The following CACNA1H variants were observed in gnomAD, a reference collection of about 807,000 sequenced individuals.
CACNA1H encodes the protein calcium voltage-gated channel subunit alpha1 H, also known as voltage-dependent T-type calcium channel subunit alpha-1H.
A neutral mutation model predicts 192.5 loss-of-function variants in CACNA1H; 149 were observed. That is an observed-to-expected ratio of 0.77 (90% CI 0.68 to 0.89). The LOEUF is 0.89. Ranked by LOEUF, CACNA1H falls within the 40% of genes least tolerant of loss-of-function variation. The probability of loss-of-function intolerance (pLI) is 0.00; values close to 1 mark genes in which losing one functional copy is unlikely to be tolerated. For synonymous variants in CACNA1H, 2,202 were observed against 1,475.2 expected, an observed-to-expected ratio of 1.49 and a Z score of -11.29; for missense variants, 4,257 against 3,423.5, an observed-to-expected ratio of 1.24 and a Z score of -6.08.
In CACNA1H at chr16:1,196,039, C is replaced by A. The variant is rs200284275; in HGVS notation, c.643+16C>A. The A allele has an allele frequency of 1.2e-6, 2 of 1,603,228 alleles. No homozygotes were observed. Among genetic ancestry groups the A allele is most frequent in the Non-Finnish European group, 1.7e-6 (2 of 1,171,154 alleles). The stretch of plus-strand genomic sequence containing the variant: ...CGCGTGCCTAGTAAGTGACCGGCCC[C>A]GACTGGGCTTGAGATCAACAGGCTT... On this transcript the variant is annotated intron_variant, in intron 5 of 34. Coordinates refer to ENST00000348261, the MANE Select transcript of CACNA1H (RefSeq NM_021098.3).
In CACNA1H at chr16:1,161,834, C is replaced by T. The variant is rs547506179; in HGVS notation, c.299+7798C>T. Among the ~76,000 whole-genome samples, 8 of 152,316 alleles carry T rather than the reference C, an allele frequency of 5.3e-5. No individual in the cohort carries two copies. In the South Asian group the frequency reaches 1.0e-3, roughly 20 times the overall value. The stretch of plus-strand genomic sequence containing the variant: ...CATCTGTGAGCAGCACCCGGACCTC[C>T]TGGGTCCCCTTGCCGCAGCCTGCCT... On this transcript the variant is annotated intron_variant, in intron 2 of 34. Transcript: ENST00000348261.
intron 2 of CACNA1H, among the ~76,000 whole-genome samples, chr16:1,155,149 GTGTT>G (rs1307827775): frequency 6.6e-6 from 1 of 152,230 alleles, no homozygotes; most frequent in African/African-American, 2.4e-5. Context: ...CATAAAGCCC[GTGTT>G]TCTCCTTTCT....
At position 1,179,287 on chromosome 16, in the gene CACNA1H, T is replaced by TG. The variant is rs34743957; in HGVS notation, c.300-15680dup. On this transcript the variant is annotated intron_variant, in intron 2 of 34. Coordinates refer to ENST00000348261, the MANE Select transcript of CACNA1H (RefSeq NM_021098.3). ...TCAGGGGCTCCTGGGTAGGGTGAGT[T>TG]GGGGGTCCCTGACCTCAGTCACCAG... Among the ~76,000 whole-genome samples the TG allele has an allele frequency of 2.6e-5, 4 of 151,738 alleles. No homozygotes were observed. The East Asian group carries it at 5.8e-4, about 22-fold the overall frequency.
At chr16:1,176,231 CT>C (rs1185465367) in intron 2 of CACNA1H, among the ~76,000 whole-genome samples, 13 of 152,404 alleles carry the variant, frequency 8.5e-5, no homozygotes, top group African/African-American at 3.1e-4. Context: ...GCTGCCCTGA[CT>C]GTCGGTTCTG....
intron 2 of CACNA1H, 44 bp from the exon 3 acceptor site, chr16:1,194,928 G>T: frequency 1.4e-6 from 2 of 1,445,726 alleles, no homozygotes; most frequent in Non-Finnish European, 9.7e-7. Flanking sequence ...CCATGGGAGC[G>T]GGTCCCGGGC....
In CACNA1H at chr16:1,210,945, T is replaced by G. The variant is rs1378366751; in HGVS notation, c.4197T>G (p.Arg1399=). The G allele has an allele frequency of 1.9e-6, 3 of 1,600,206 alleles. No homozygotes were observed. The highest frequency in any genetic ancestry group is 3.3e-5 in the Admixed American group (2 of 59,998). Residue 1399 remains arginine, a synonymous_variant, in exon 21 of 35, where the codon CGT becomes CGG. Coordinates refer to ENST00000348261, the MANE Select transcript of CACNA1H (RefSeq NM_021098.3). The part of the protein sequence containing the change: ...AKILGVLRVL[R]LLRTLRPLRV... Reference sequence around the variant, plus strand: ...TCCTGGGTGTTCTGCGCGTGCTGCGTCTGCTGCGGACCCTGCGGCCTCTGA... The same window carrying G: ...TCCTGGGTGTTCTGCGCGTGCTGCGGCTGCTGCGGACCCTGCGGCCTCTGA...
chr16:1,207,954 G>A (rs1238467148), intron 15 of CACNA1H, 59 bp from the exon 16 acceptor site: 12 of 1,549,540 alleles, frequency 7.7e-6, no homozygotes, highest in East Asian at 7.2e-5. Context: ...TAGGTTGGGG[G>A]ATTCCTGGTC....
chr16:1,205,347 C>T (rs1033778050), intron 11 of CACNA1H, 82 bp downstream of exon 11: 9 of 1,407,970 alleles, frequency 6.4e-6, no homozygotes, highest in Middle Eastern at 1.8e-4. Flanking sequence ...GAGCAAAACC[C>T]AGAGCACAGG....
At chr16:1,186,859 G>A (rs1966118181) in intron 2 of CACNA1H, among the ~76,000 whole-genome samples, 2 of 152,184 alleles carry the variant, frequency 1.3e-5, no homozygotes, top group Non-Finnish European at 2.9e-5. Context: ...ACTTCAGGGC[G>A]GTCCGTCCCA....
chr16:1,180,304 G>A lies in CACNA1H; in HGVS notation c.300-14668G>A, dbSNP rs1453433972. ...CGTCGCCCACAGAGCATAATGTGAG[G>A]CGAGAGGGACTCGGGCTGCTGTGGG... On this transcript the variant is annotated intron_variant, in intron 2 of 34. Coordinates refer to ENST00000348261, the MANE Select transcript of CACNA1H (RefSeq NM_021098.3). This position sits in a 1 kb window ranked among gnomAD's most constrained non-coding sequence, Gnocchi z 4.4. Among the ~76,000 whole-genome samples, 1 of 152,264 alleles carries A rather than the reference G, an allele frequency of 6.6e-6. No homozygotes were observed. Among genetic ancestry groups the A allele is most frequent in the Admixed American group, 6.5e-5 (1 of 15,290 alleles).
rs770494140 is a variant in CACNA1H at position 1,209,144 on chromosome 16, A to C, written c.3476A>C (p.Gln1159Pro). 7 of 1,553,286 alleles carry C rather than the reference A, an allele frequency of 4.5e-6. No homozygotes were observed. Among genetic ancestry groups the C allele is most frequent in the Non-Finnish European group, 6.1e-6 (7 of 1,149,656 alleles). Residue 1159 changes from glutamine (Q) to proline (P), a missense_variant, in exon 17 of 35, where the codon CAG (glutamine) becomes CCG (proline). By Grantham distance (76) the Gln-to-Pro change is moderately conservative. Transcript: ENST00000348261. ...GRAPSLKRRG[Q>P]CGERESLLSG... ...GCCCCCAGCCTCAAGCGCCGCGGCC[A>C]GTGTGGGGAACGTGAGTCCCTGCTG...
intron 34 of CACNA1H, among the ~76,000 whole-genome samples, 166 bp from the exon 35 acceptor site, chr16:1,219,815 G>A (rs1290307665): frequency 2.6e-5 from 4 of 152,144 alleles, no homozygotes; most frequent in African/African-American, 4.8e-5. Context: ...AGACTAGGAC[G>A]TCCACACCAG....
At chr16:1,183,905 C>A (rs1006923765) in intron 2 of CACNA1H, among the ~76,000 whole-genome samples, 1 of 152,260 alleles carries the variant, frequency 6.6e-6, no homozygotes, top group African/African-American at 2.4e-5. Context: ...TTAATTCCCT[C>A]CTGGATCGGT....
chr16:1,178,838 C>T (rs1474133786), intron 2 of CACNA1H, among the ~76,000 whole-genome samples: 1 of 152,232 alleles, frequency 6.6e-6, no homozygotes, highest in Non-Finnish European at 1.5e-5. Context: ...CCGGGGCAGG[C>T]AGGTGTGGCT....
rs1337992114 is a variant in CACNA1H, at chr16:1,209,261, C to T, written c.3593C>T (p.Ser1198Phe). ...PRATPLRRAESLDPRPLRPAA... is the reference protein window; with the variant it reads ...PRATPLRRAEFLDPRPLRPAA... ...GCCACCCCACTGCGGCGGGCCGAGT[C>T]CCTGGACCCACGGCCCCTGCGGCCG... The change falls in exon 17 of 35, where the codon TCC (serine) becomes TTC (phenylalanine). Residue 1198 changes from serine (S) to phenylalanine (F), a missense_variant. Transcript: ENST00000348261. The T allele has an allele frequency of 7.1e-6, 11 of 1,550,540 alleles. No homozygotes were observed. The highest frequency in any genetic ancestry group is 7.8e-6 in the Non-Finnish European group (9 of 1,151,652).
At position 1,180,019 on chromosome 16, in the gene CACNA1H, G is replaced by A. The variant is rs1447591713; in HGVS notation, c.300-14953G>A. Among the ~76,000 whole-genome samples, 2 of 152,236 alleles carry A rather than the reference G, an allele frequency of 1.3e-5. No individual in the cohort carries two copies. The highest frequency in any genetic ancestry group is 2.9e-5 in the Non-Finnish European group (2 of 68,034). Reference sequence around the variant, plus strand: ...AAAAGTGCTGGGATAACAGGCGTGAGCCACCATGCCCGGCCCGGCCTTGTT... The same window carrying A: ...AAAAGTGCTGGGATAACAGGCGTGAACCACCATGCCCGGCCCGGCCTTGTT... On this transcript the variant is annotated intron_variant, in intron 2 of 34. Transcript: ENST00000348261. This position sits in a 1 kb window ranked among gnomAD's most constrained non-coding sequence, Gnocchi z 4.4.
chr16:1,200,604 G>C, intron 7 of CACNA1H, 33 bp downstream of exon 7: 1 of 1,607,544 alleles, frequency 6.2e-7, no homozygotes, highest in Non-Finnish European at 8.5e-7. Flanking sequence ...GGGGACCCTG[G>C]GGCACGGCAG....
chr16:1,207,048 A>G lies in CACNA1H; in HGVS notation c.2837A>G (p.Asp946Gly). ...GGCTGCAAGTTCAGCCTGAAGACAG[A>G]CACCGGAGACACCGTGCCTGACAGG... Reference protein sequence around the residue: ...LFGCKFSLKTDTGDTVPDRKN... With the variant: ...LFGCKFSLKTGTGDTVPDRKN... The change falls in exon 13 of 35, where the codon GAC becomes GGC. Residue 946 changes from aspartate to glycine, a missense_variant. Transcript: ENST00000348261. 6.2e-7 allele frequency: 1 copy of G among 1,601,988 alleles called. No homozygotes were observed. The highest frequency in any genetic ancestry group is 8.5e-7 in the Non-Finnish European group (1 of 1,174,440).
intron 2 of CACNA1H, among the ~76,000 whole-genome samples, chr16:1,162,645 G>GA (rs928916238): frequency 6.6e-6 from 1 of 151,768 alleles, no homozygotes; most frequent in Admixed American, 6.6e-5. Flanking sequence ...GGAGTGGGGG[G>GA]GGGGGGTCCA....
Sources: allele counts gnomAD v4.1 joint callset (sites outside exome capture counted in the v4.1 genomes callset), GRCh38; gene constraint gnomAD v4.1.1; non-coding constraint Gnocchi (gnomAD v3.1); transcripts MANE v1.5; gene names NCBI Gene and HGNC (gene_info 2026-07-23, HGNC 2026-07-21).